Variants in PTPRD observed in about 807,000 individuals in gnomAD.
The protein encoded by PTPRD is receptor-type tyrosine-protein phosphatase delta.
In PTPRD, 34 loss-of-function variants were observed where a neutral mutation model predicts 214.5. The observed-to-expected ratio is 0.16, with a 90% CI of 0.12 to 0.21. PTPRD has a LOEUF of 0.21. PTPRD is among the 10% of genes least tolerant of loss of function. The pLI is 1.00. For missense variants in PTPRD, 2,545 were observed against 2,398.7 expected, an observed-to-expected ratio of 1.06 and a Z score of -1.27; for synonymous variants, 1,128 against 845.7, an observed-to-expected ratio of 1.33 and a Z score of -5.79.
chr9:10,580,730 C>A (rs946099005), intron 2 of PTPRD, among the ~76,000 whole-genome samples: 7 of 152,120 alleles, frequency 4.6e-5, no homozygotes, highest in African/African-American at 1.7e-4. Context: ...TAAACCAGGT[C>A]TCACAGAGAC....
intron 5 of PTPRD, among the ~76,000 whole-genome samples, chr9:9,892,970 G>A (rs1189101688): frequency 1.3e-5 from 2 of 152,054 alleles, no homozygotes; most frequent in African/African-American, 4.8e-5. Flanking sequence ...GAGTAAAATA[G>A]GACAGTGGTG....
intron 2 of PTPRD, among the ~76,000 whole-genome samples, chr9:10,372,776 T>C (rs2097652322): frequency 6.6e-6 from 1 of 151,808 alleles, no homozygotes; most frequent in African/African-American, 2.4e-5. Context: ...CATTACAAAG[T>C]GTGACTAGCT....
intron 3 of PTPRD, among the ~76,000 whole-genome samples, chr9:10,076,562 G>A (rs983711398): frequency 6.6e-6 from 1 of 152,076 alleles, no homozygotes; most frequent in African/African-American, 2.4e-5. Flanking sequence ...TAACCTCACT[G>A]TTTGGTGCTT....
chr9:8,865,922 A>G (rs1373727137), intron 11 of PTPRD, among the ~76,000 whole-genome samples: 1 of 152,176 alleles, frequency 6.6e-6, no homozygotes, highest in Non-Finnish European at 1.5e-5. Flanking sequence ...TTTTGATGAG[A>G]ATGATTATAA....
chr9:9,534,662 T>A (rs2076164190), intron 8 of PTPRD, among the ~76,000 whole-genome samples: 1 of 152,002 alleles, frequency 6.6e-6, no homozygotes, highest in Non-Finnish European at 1.5e-5. Flanking sequence ...GTTCACTGAG[T>A]AAAGGGAAAA....
intron 10 of PTPRD, among the ~76,000 whole-genome samples, chr9:9,036,769 T>G (rs1330517234): frequency 2.0e-5 from 3 of 152,258 alleles, no homozygotes; most frequent in Middle Eastern, 6.8e-3. Flanking sequence ...TTTGTCCCCA[T>G]TTCTTACCTC....
intron 3 of PTPRD, among the ~76,000 whole-genome samples, chr9:10,195,629 G>A (rs1326460794): frequency 1.3e-5 from 2 of 152,076 alleles, no homozygotes; most frequent in African/African-American, 2.4e-5. Flanking sequence ...TTATCCCTCT[G>A]TCATCCAACC....
chr9:10,400,464 G>A (rs1367032456), intron 2 of PTPRD, among the ~76,000 whole-genome samples: 1 of 151,480 alleles, frequency 6.6e-6, no homozygotes, highest in Non-Finnish European at 1.5e-5. Context: ...ATTGGTAACA[G>A]GTAAGCCATA....
intron 2 of PTPRD, among the ~76,000 whole-genome samples, chr9:10,539,361 T>G (rs867286422): frequency 5.3e-5 from 8 of 152,254 alleles, no homozygotes; most frequent in Middle Eastern, 3.4e-3. Context: ...ATTTTTGTAT[T>G]TTTAGTAGAG....
At chr9:9,204,780 CTAATA>C (rs1275009173) in intron 9 of PTPRD, among the ~76,000 whole-genome samples, 4 of 152,100 alleles carry the variant, frequency 2.6e-5, no homozygotes, top group Non-Finnish European at 5.9e-5. Flanking sequence ...TGAAATTGTG[CTAATA>C]TTATATTGTA....
chr9:10,197,788 G>A (rs1036483416), intron 3 of PTPRD, among the ~76,000 whole-genome samples: 2 of 152,098 alleles, frequency 1.3e-5, no homozygotes, highest in African/African-American at 2.4e-5. Flanking sequence ...GGCCATGGGA[G>A]GGATGGGTCT....
intron 10 of PTPRD, among the ~76,000 whole-genome samples, chr9:9,019,106 C>A (rs756444747): frequency 2.0e-5 from 3 of 151,986 alleles, no homozygotes; most frequent in Non-Finnish European, 4.4e-5. Context: ...ATGAAGAATT[C>A]TTACAAAAGG....
chr9:9,326,591 A>T (rs2040015749), intron 9 of PTPRD, among the ~76,000 whole-genome samples: 3 of 152,048 alleles, frequency 2.0e-5, no homozygotes, highest in African/African-American at 7.2e-5. Context: ...AAAAGAATAT[A>T]AATTACCATA....
At chr9:8,949,016 G>C (rs1463479911) in intron 11 of PTPRD, among the ~76,000 whole-genome samples, 3 of 151,878 alleles carry the variant, frequency 2.0e-5, no homozygotes, top group Non-Finnish European at 4.4e-5. Context: ...CTGAGTTTAG[G>C]AGTTTGAGAC....
At chr9:10,482,560 C>T (rs965352666) in intron 2 of PTPRD, among the ~76,000 whole-genome samples, 55 of 151,812 alleles carry the variant, frequency 3.6e-4, no homozygotes, top group African/African-American at 1.2e-3. Flanking sequence ...TTTAATAAAT[C>T]TCTTTGGAGA....
chr9:10,527,536 T>C (rs143705383), intron 2 of PTPRD, among the ~76,000 whole-genome samples: 1 of 152,244 alleles, frequency 6.6e-6, no homozygotes, highest in East Asian at 1.9e-4. Context: ...TGTCATAAAA[T>C]TTAAAAAGCA....
intron 7 of PTPRD, among the ~76,000 whole-genome samples, chr9:9,727,171 C>T (rs2098110626): frequency 1.3e-5 from 2 of 151,988 alleles, no homozygotes; most frequent in East Asian, 1.9e-4. Flanking sequence ...ATAAATTATT[C>T]TTGGCCGGGC....
chr9:8,555,901 C>A (rs773982459), intron 14 of PTPRD, among the ~76,000 whole-genome samples: 1 of 152,140 alleles, frequency 6.6e-6, no homozygotes, highest in Non-Finnish European at 1.5e-5. Context: ...TTATATTGCA[C>A]CCTTGGGGAA....
Position 8,805,130 on chromosome 9 carries a change from TAAG to T in PTPRD, c.-103-71187_-103-71185del, listed in dbSNP as rs982222336. Reference sequence around the variant, plus strand: ...ACCTCACAGATAGTATCTGGAAAAATAAGAAGAATGAAAGAAAAATGAACCAAG... The same window carrying T: ...ACCTCACAGATAGTATCTGGAAAAATAAGAATGAAAGAAAAATGAACCAAG... On this transcript the variant is annotated intron_variant, in intron 11 of 45. Transcript: ENST00000381196. Among the ~76,000 whole-genome samples, 15 of 152,042 alleles carry T rather than the reference TAAG, an allele frequency of 9.9e-5. No individual in the cohort carries two copies. The East Asian group carries it at 1.4e-3, about 14-fold the overall frequency.
Sources: gnomAD v4.1 joint callset for allele counts (sites outside exome capture counted in the v4.1 genomes callset) on GRCh38, gnomAD v4.1.1 for gene constraint, MANE v1.5 for transcripts, NCBI Gene and HGNC (gene_info 2026-07-23, HGNC 2026-07-21) for gene names.